Variants in ENPEP observed in about 807,000 individuals in gnomAD.
ENPEP encodes AP-A.
ENPEP carries 103 observed loss-of-function variants against 114.5 expected under a neutral mutation model. The ratio of observed to expected loss-of-function variants is 0.90; its 90% CI spans 0.77 to 1.06. The LOEUF (loss-of-function observed/expected upper bound fraction) is 1.06, where lower values mean the gene tolerates loss of function less well. ENPEP is among the 50% of genes least tolerant of loss of function. The pLI is 0.00. For missense variants in ENPEP, 1,196 were observed against 1,161.3 expected (o/e 1.03, Z -0.43); for synonymous variants, 420 against 422.0 (o/e 1.00, Z 0.06).
chr4:110,562,805 C>G lies in ENPEP; in HGVS notation c.*1247C>G, dbSNP rs1393135247. On this transcript the variant is annotated 3_prime_UTR_variant, in exon 20 of 20. Transcript: ENST00000265162. ...GTTACTATGTTTCAATCTGCTATAT[C>G]TAGAAAATCTAAATTTATTTGGAAC... The G allele has an allele frequency of 6.6e-6, 1 of 152,066 alleles. No homozygotes were observed. Among genetic ancestry groups the G allele is most frequent in the African/African-American group, 2.4e-5 (1 of 41,420 alleles). 9.4% of individuals were successfully genotyped at this position (152,066 alleles called of 1,614,324 possible). A position where few individuals can be genotyped will look rare whatever the true frequency, so the allele number is the denominator to read the frequency against.
chr4:110,476,981 C>T lies in ENPEP; in HGVS notation c.567C>T (p.Thr189=). 6.2e-7 allele frequency: 1 copy of T among 1,614,178 alleles called. No individual in the cohort carries two copies. Among genetic ancestry groups the T allele is most frequent in the Non-Finnish European group, 8.5e-7 (1 of 1,180,042 alleles). ...GTGGAGATGGCCTGTATCTCCTGAC[C>T]ATGGAGTTCGCCGGCTGGCTGAACG... is the stretch of plus-strand genomic sequence containing the variant. ...PSSGDGLYLL[T]MEFAGWLNGS... Residue 189 remains threonine (T), a synonymous_variant, in exon 1 of 20, where the codon ACC becomes ACT. Coordinates refer to ENST00000265162, the MANE Select transcript of ENPEP (RefSeq NM_001977.4).
intron 2 of ENPEP, 83 bp from the exon 3 acceptor site, chr4:110,490,950 T>A: frequency 7.0e-7 from 1 of 1,438,612 alleles, no homozygotes; most frequent in Middle Eastern, 2.2e-4. Flanking sequence ...AAAGCAAGGT[T>A]TGGGGCAACC....
intron 10 of ENPEP, among the ~76,000 whole-genome samples, chr4:110,523,790 A>T (rs72666199): frequency 0.083 from 12,703 of 152,246 alleles, 710 homozygotes; most frequent in East Asian, 0.23. Flanking sequence ...ATACTACTTC[A>T]GTGGTGTGCA....
At chr4:110,529,960 CA>C (rs1726341583) in intron 10 of ENPEP, among the ~76,000 whole-genome samples, 1 of 152,082 alleles carries the variant, frequency 6.6e-6, no homozygotes, top group South Asian at 2.1e-4. Flanking sequence ...CCTGTAATCC[CA>C]GCTACTTGGG....
intron 3 of ENPEP, among the ~76,000 whole-genome samples, chr4:110,491,910 G>A (rs550732439): frequency 3.6e-4 from 55 of 151,344 alleles, no homozygotes; most frequent in African/African-American, 1.3e-3. Context: ...TAGTAGAGAC[G>A]GGGTTTCACC....
chr4:110,545,086 A>G (rs750414478), intron 13 of ENPEP, among the ~76,000 whole-genome samples: 23 of 152,042 alleles, frequency 1.5e-4, no homozygotes, highest in Non-Finnish European at 3.2e-4. Context: ...ATAAGCTAAG[A>G]CCATTATGAA....
intron 3 of ENPEP, among the ~76,000 whole-genome samples, chr4:110,491,743 C>T (rs62336835): frequency 0.53 from 73,308 of 138,738 alleles, 19,233 homozygotes; most frequent in East Asian, 0.65. Context: ...TTTTTTGAGA[C>T]GGAGTCTGGC....
chr4:110,509,888 TA>T (rs1725512643), intron 5 of ENPEP, 81 bp downstream of exon 5: 4 of 1,492,030 alleles, frequency 2.7e-6, no homozygotes. Flanking sequence ...ATTTATGACT[TA>T]GCAAATAAAA....
In ENPEP at chr4:110,558,014, A is replaced by G. The variant is rs146512148; in HGVS notation, c.2643-1633A>G. ...TGTTCTCGATTAGTATTTGGCTTCT[A>G]ATTTTGTATATGGTAGGATTTTTTT... On this transcript the variant is annotated intron_variant, in intron 18 of 19. Coordinates refer to ENST00000265162, the MANE Select transcript of ENPEP (RefSeq NM_001977.4). Among the ~76,000 whole-genome samples the G allele has an allele frequency of 1.9e-3, 256 of 131,428 alleles. 3 individuals carry two copies. The highest frequency in any genetic ancestry group is 6.2e-3 in the African/African-American group (216 of 35,010). 86.2% of individuals were successfully genotyped at this position (131,428 alleles called of 152,430 possible). A position where few individuals can be genotyped will look rare whatever the true frequency, so the allele number is the denominator to read the frequency against.
chr4:110,501,256 T>C (rs1018294439), intron 3 of ENPEP, among the ~76,000 whole-genome samples: 2 of 152,190 alleles, frequency 1.3e-5, no homozygotes, highest in African/African-American at 4.8e-5. Flanking sequence ...ACCTGATTTT[T>C]TTATGGTAAC....
intron 3 of ENPEP, among the ~76,000 whole-genome samples, chr4:110,497,106 G>A (rs1249783771): frequency 6.6e-6 from 1 of 152,144 alleles, no homozygotes; most frequent in African/African-American, 2.4e-5. Flanking sequence ...TAGTTCTTCA[G>A]GTTTTGACCA....
intron 1 of ENPEP, among the ~76,000 whole-genome samples, chr4:110,481,405 C>T (rs924353889): frequency 7.2e-5 from 11 of 151,888 alleles, no homozygotes; most frequent in African/African-American, 2.7e-4. Context: ...TGATAATGTC[C>T]TCTATGTAGT....
At position 110,476,566 on chromosome 4, in the gene ENPEP, C is replaced by A. The variant is rs199759636; in HGVS notation, c.152C>A (p.Pro51Gln). ...TGTGACTCCAGCGGGGACGGCGGGC[C>A]GGGCACTGCGCCAGCTCCTTCCCAC... ...RSCDSSGDGG[P>Q]GTAPAPSHLP... is the part of the protein sequence containing the mutation. The change falls in exon 1 of 20, where the codon CCG (proline) becomes CAG (glutamine). Residue 51 changes from proline to glutamine, a missense_variant. Transcript: ENST00000265162. 3 of 1,613,362 alleles carry A rather than the reference C, an allele frequency of 1.9e-6. No individual in the cohort carries two copies. The highest frequency in any genetic ancestry group is 2.5e-6 in the Non-Finnish European group (3 of 1,179,508).
At chr4:110,517,138 C>T (rs1256342360) in intron 8 of ENPEP, among the ~76,000 whole-genome samples, 1 of 152,018 alleles carries the variant, frequency 6.6e-6, no homozygotes, top group East Asian at 1.9e-4. Context: ...CGGGGTGTCG[C>T]CACGTTGCCC....
rs966988208 is a variant in ENPEP at position 110,549,614 on chromosome 4, G to A, written c.2312G>A (p.Trp771Ter). ...AATGCTTCCTCGTTATTTGAGCAGT[G>A]GCTAAATGGGACTGTAAGGTGATTA... ...LNNASSLFEQ[W>*]LNGTVSLPVN... Residue 771 changes from tryptophan (W) to a stop codon, truncating the protein, a stop_gained, in exon 16 of 20, where the codon TGG becomes TAG. Transcript: ENST00000265162. LOFTEE classifies it high-confidence loss of function. 8 of 1,613,450 alleles carry A rather than the reference G, an allele frequency of 5.0e-6. No homozygotes were observed. The highest frequency in any genetic ancestry group is 6.8e-6 in the Non-Finnish European group (8 of 1,179,678).
chr4:110,476,311 T>C lies in ENPEP; in HGVS notation c.-104T>C. The C allele has an allele frequency of 1.4e-6, 2 of 1,427,288 alleles. No individual in the cohort carries two copies. The highest frequency in any genetic ancestry group is 1.9e-6 in the Non-Finnish European group (2 of 1,064,934). 88.4% of individuals were successfully genotyped at this position (1,427,288 alleles called of 1,614,324 possible). A position where few individuals can be genotyped will look rare whatever the true frequency, so the allele number is the denominator to read the frequency against. ...GGGTGTGGGAAAAGCGAAAACAGGC[T>C]GCCAAATCAGGGGATTCCTTCCAAT... On this transcript the variant is annotated 5_prime_UTR_variant, in exon 1 of 20. Coordinates refer to ENST00000265162, the MANE Select transcript of ENPEP (RefSeq NM_001977.4).
intron 6 of ENPEP, 158 bp from the exon 7 acceptor site, chr4:110,513,257 C>A (rs562246612): frequency 2.9e-6 from 2 of 684,930 alleles, no homozygotes; most frequent in East Asian, 3.4e-5. Flanking sequence ...CAATATAGCT[C>A]AATCAGTGCA....
chr4:110,506,545 C>T, intron 3 of ENPEP, 92 bp from the exon 4 acceptor site: 1 of 1,357,698 alleles, frequency 7.4e-7, no homozygotes, highest in Non-Finnish European at 9.8e-7. Flanking sequence ...CTCCAAAGCC[C>T]ACTTTCTTTC....
At chr4:110,543,130 T>G in intron 13 of ENPEP, 60 bp downstream of exon 13, 1 of 1,454,700 alleles carries the variant, frequency 6.9e-7, no homozygotes, top group South Asian at 1.2e-5. Flanking sequence ...ATAAATCTTT[T>G]AAAAATGAAT....
Sources: gnomAD v4.1 joint callset for allele counts (sites outside exome capture counted in the v4.1 genomes callset) on GRCh38, gnomAD v4.1.1 for gene constraint, MANE v1.5 for transcripts, NCBI Gene and HGNC (gene_info 2026-07-23, HGNC 2026-07-21) for gene names.